Variants in ZNF618 observed in about 807,000 individuals in gnomAD.
ZNF618 encodes the protein neural precursor cell expressed, developmentally down-regulated 10.
A neutral mutation model predicts 103.0 loss-of-function variants in ZNF618; 34 were observed. That is an observed-to-expected ratio of 0.33 (90% CI 0.25 to 0.44). The LOEUF (loss-of-function observed/expected upper bound fraction) is 0.44, where lower values mean the gene tolerates loss of function less well. Ranked by LOEUF, ZNF618 falls within the 20% of genes least tolerant of loss-of-function variation. The pLI is 1.00. For missense variants in ZNF618, 1,059 were observed against 1,295.4 expected (o/e 0.82, Z 2.80); for synonymous variants, 551 against 542.2 (o/e 1.02, Z -0.23).
chr9:113,974,197 G>A (rs1281949012), intron 2 of ZNF618, among the ~76,000 whole-genome samples: 2 of 152,186 alleles, frequency 1.3e-5, no homozygotes, highest in African/African-American at 4.8e-5. Context: ...TGGGAGAGCC[G>A]GAGACAGTGT....
At chr9:113,973,402 T>C (rs1196053080) in intron 2 of ZNF618, among the ~76,000 whole-genome samples, 1 of 152,174 alleles carries the variant, frequency 6.6e-6, no homozygotes, top group African/African-American at 2.4e-5. Context: ...ATAATGTTAT[T>C]TCTCCAGAGG....
intron 2 of ZNF618, among the ~76,000 whole-genome samples, chr9:113,978,641 A>G (rs888164275): frequency 6.6e-6 from 1 of 152,196 alleles, no homozygotes; most frequent in Non-Finnish European, 1.5e-5. Context: ...CATTCATTCA[A>G]CAGGTGTTTT....
chr9:114,053,810 G>A lies in ZNF618; in HGVS notation c.*3643G>A, dbSNP rs1846287475. On this transcript the variant is annotated 3_prime_UTR_variant, in exon 15 of 15. Transcript: ENST00000374126. ...CCAGGAAACAAAACACATGCCACCT[G>A]AGCAAAACTGCCTGCACTTCATCTC... 1 of 152,246 alleles carries A rather than the reference G, an allele frequency of 6.6e-6. No homozygotes were observed. Among genetic ancestry groups the A allele is most frequent in the Non-Finnish European group, 1.5e-5 (1 of 68,062 alleles). 9.4% of individuals were successfully genotyped at this position (152,246 alleles called of 1,614,324 possible). A position where few individuals can be genotyped will look rare whatever the true frequency, so the allele number is the denominator to read the frequency against.
At position 114,024,887 on chromosome 9, in the gene ZNF618, C is replaced by T. The variant is rs547343629; in HGVS notation, c.845-3846C>T. ...AATTCTCTCTTCTTTGTTAATTTGCCGTGCAAATTCTAGCCACCTCAAAAG... is the reference window on the plus strand; with the variant it reads ...AATTCTCTCTTCTTTGTTAATTTGCTGTGCAAATTCTAGCCACCTCAAAAG... On this transcript the variant is annotated intron_variant, in intron 10 of 14. Coordinates refer to ENST00000374126, the MANE Select transcript of ZNF618 (RefSeq NM_001318042.2). Among the ~76,000 whole-genome samples, 238 of 152,182 alleles carry T rather than the reference C, an allele frequency of 1.6e-3. 1 individual carries two copies. Among genetic ancestry groups the T allele is most frequent in the Non-Finnish European group, 2.8e-3 (190 of 68,012 alleles).
intron 1 of ZNF618, among the ~76,000 whole-genome samples, chr9:113,879,782 G>GTT (rs796540505): frequency 1.4e-5 from 2 of 139,330 alleles, no homozygotes; most frequent in African/African-American, 2.6e-5. Context: ...GCCTAAGGAG[G>GTT]TTTTTTTTTT....
At chr9:113,940,182 T>C (rs928874571) in intron 1 of ZNF618, among the ~76,000 whole-genome samples, 4 of 152,096 alleles carry the variant, frequency 2.6e-5, no homozygotes, top group Admixed American at 2.6e-4. Context: ...GTTAAACTTT[T>C]TGTGGCTTTT....
chr9:114,028,843 C>A lies in ZNF618; in HGVS notation c.955C>A (p.Gln319Lys), dbSNP rs897637451. 2 of 1,550,672 alleles carry A rather than the reference C, an allele frequency of 1.3e-6. No individual in the cohort carries two copies. Among genetic ancestry groups the A allele is most frequent in the Non-Finnish European group, 1.7e-6 (2 of 1,147,008 alleles). Residue 319 changes from glutamine to lysine, a missense_variant, in exon 11 of 15, where the codon CAG (glutamine) becomes AAG (lysine). Gln to Lys is a moderately conservative substitution (Grantham distance 53). Around this residue, in one of 6 missense-constraint regions of ZNF618, gnomAD observed 434 missense variants for 476.0 expected, o/e 0.91. Coordinates refer to ENST00000374126, the MANE Select transcript of ZNF618 (RefSeq NM_001318042.2). ...CGTGGCAGCGAAGACCCAGACGAAC[C>A]AGTCGGGGAAAAAAGCTCCGGCCTC... ...RFVAAKTQTN[Q>K]SGKKAPASVV...
chr9:113,894,009 ATG>A (rs1829831014), intron 1 of ZNF618, among the ~76,000 whole-genome samples: 1 of 152,210 alleles, frequency 6.6e-6, no homozygotes, highest in South Asian at 2.1e-4. Context: ...GAACTAGACT[ATG>A]TATGCAAAAA....
Position 114,054,677 on chromosome 9 carries a change from G to A in ZNF618, c.*4510G>A, listed in dbSNP as rs1394425765. The A allele has an allele frequency of 2.0e-5, 3 of 152,708 alleles. No individual in the cohort carries two copies. The highest frequency in any genetic ancestry group is 7.2e-5 in the African/African-American group (3 of 41,454). 9.5% of individuals were successfully genotyped at this position (152,708 alleles called of 1,614,324 possible). A position where few individuals can be genotyped will look rare whatever the true frequency, so the allele number is the denominator to read the frequency against. ...ACTGTGGCTAATGTTTGCTAGGCCA[G>A]TTATGGTGAACCAATGATACAGTGT... On this transcript the variant is annotated 3_prime_UTR_variant, in exon 15 of 15. Coordinates refer to ENST00000374126, the MANE Select transcript of ZNF618 (RefSeq NM_001318042.2).
intron 1 of ZNF618, among the ~76,000 whole-genome samples, chr9:113,936,207 G>C (rs1169988954): frequency 6.6e-6 from 1 of 152,164 alleles, no homozygotes; most frequent in African/African-American, 2.4e-5. Flanking sequence ...GAGGCAGACA[G>C]ACCTGGGTCC....
intron 3 of ZNF618, among the ~76,000 whole-genome samples, chr9:113,993,912 G>C (rs1840310636): frequency 1.3e-5 from 2 of 152,188 alleles, no homozygotes; most frequent in African/African-American, 4.8e-5. Context: ...TCAGTAAAAG[G>C]AAGGACTTCG....
chr9:113,936,345 A>G (rs1834030908), intron 1 of ZNF618, among the ~76,000 whole-genome samples: 2 of 152,258 alleles, frequency 1.3e-5, no homozygotes, highest in East Asian at 3.8e-4. Context: ...GGATTAAATA[A>G]AATAAGTAAA....
intron 1 of ZNF618, among the ~76,000 whole-genome samples, chr9:113,968,290 T>G (rs1837610999): frequency 6.6e-6 from 1 of 152,216 alleles, no homozygotes; most frequent in Non-Finnish European, 1.5e-5. Flanking sequence ...GGCGGTACAT[T>G]ACCTTTCTAA....
intron 1 of ZNF618, among the ~76,000 whole-genome samples, chr9:113,966,028 G>A (rs894937155): frequency 2.0e-5 from 3 of 152,230 alleles, no homozygotes; most frequent in South Asian, 4.1e-4. Flanking sequence ...TCTGCGACTC[G>A]TTCATCTTAT....
intron 13 of ZNF618, among the ~76,000 whole-genome samples, chr9:114,046,009 AC>A (rs904738550): frequency 1.3e-5 from 2 of 151,988 alleles, no homozygotes; most frequent in African/African-American, 4.8e-5. Flanking sequence ...TGTTTTCTTA[AC>A]TTTTGGAATG....
chr9:113,973,333 C>G (rs1347126750), intron 2 of ZNF618, among the ~76,000 whole-genome samples: 4 of 152,184 alleles, frequency 2.6e-5, no homozygotes, highest in Non-Finnish European at 4.4e-5. Context: ...CTATGGCACA[C>G]TCTGCTACTA....
chr9:113,877,277 GA>G (rs1378396207), intron 1 of ZNF618, among the ~76,000 whole-genome samples: 2 of 152,000 alleles, frequency 1.3e-5, no homozygotes, highest in South Asian at 2.1e-4. Context: ...TTTAGTTTGA[GA>G]AAAAAACTAA....
intron 2 of ZNF618, among the ~76,000 whole-genome samples, chr9:113,976,958 C>G (rs1471163433): frequency 6.6e-6 from 1 of 152,172 alleles, no homozygotes; most frequent in Non-Finnish European, 1.5e-5. Flanking sequence ...CCTGCATCTG[C>G]TTTGTCATCC....
chr9:113,914,899 T>C (rs1192444662), intron 1 of ZNF618, among the ~76,000 whole-genome samples: 1 of 152,194 alleles, frequency 6.6e-6, no homozygotes, highest in Admixed American at 6.5e-5. Flanking sequence ...TTCCCAGCAC[T>C]GGCCTCCAAC....
Sources: allele counts gnomAD v4.1 joint callset (sites outside exome capture counted in the v4.1 genomes callset), GRCh38; gene constraint gnomAD v4.1.1; regional missense constraint gnomAD v4.1.1; transcripts MANE v1.5; gene names NCBI Gene and HGNC (gene_info 2026-07-23, HGNC 2026-07-21).